CLSPN: variants seen among roughly 807,000 people sequenced by gnomAD.
CLSPN encodes claspin homolog.
CLSPN carries 85 observed loss-of-function variants against 156.3 expected under a neutral mutation model. That is an observed-to-expected ratio of 0.54 (90% CI 0.46 to 0.65). CLSPN has a LOEUF of 0.65. Ranked by LOEUF, CLSPN falls within the 30% of genes least tolerant of loss-of-function variation. The pLI is 0.00. For synonymous variants in CLSPN, 534 were observed against 542.4 expected (o/e 0.98, Z 0.22); for missense variants, 1,407 against 1,554.9 (o/e 0.90, Z 1.60).
chr1:35,737,483 T>C (rs1199058906), intron 22 of CLSPN, 62 bp from the exon 23 acceptor site: 2 of 1,285,388 alleles, frequency 1.6e-6, no homozygotes, highest in Non-Finnish European at 2.2e-6. Flanking sequence ...CTTTTAAATC[T>C]AAACAAGCTA....
In CLSPN at chr1:35,732,776, C is replaced by T; in HGVS notation, c.*3720G>A. Reference sequence around the variant, plus strand: ...TAAAACATAACTGATGCTGCTGGCTCAGTGCTTTGGGCAAAGGGCATATGG... The same window carrying T: ...TAAAACATAACTGATGCTGCTGGCTTAGTGCTTTGGGCAAAGGGCATATGG... On this transcript the variant is annotated 3_prime_UTR_variant, in exon 25 of 25. Transcript: ENST00000318121. The T allele has an allele frequency of 1.0e-6, 1 of 985,346 alleles. No homozygotes were observed. Among genetic ancestry groups the T allele is most frequent in the Non-Finnish European group, 1.2e-6 (1 of 829,930 alleles). 61.0% of individuals were successfully genotyped at this position (985,346 alleles called of 1,614,324 possible). A position where few individuals can be genotyped will look rare whatever the true frequency, so the allele number is the denominator to read the frequency against.
chr1:35,725,536 C>T (rs533100149), intron 24 of CLSPN, among the ~76,000 whole-genome samples: 14 of 152,048 alleles, frequency 9.2e-5, no homozygotes, highest in African/African-American at 2.9e-4. Context: ...CCCCACCCTC[C>T]GGCCGCCCAC....
chr1:35,764,506 G>A lies in CLSPN; in HGVS notation c.342C>T (p.Tyr114=). 6 of 1,613,916 alleles carry A rather than the reference G, an allele frequency of 3.7e-6. No homozygotes were observed. The highest frequency in any genetic ancestry group is 5.1e-6 in the Non-Finnish European group (6 of 1,179,934). Reference sequence around the variant, plus strand: ...TTTCCTGATACAAAGACTTTTCCATGTAACTTTCATCACTGTCTGCCACAG... The same window carrying A: ...TTTCCTGATACAAAGACTTTTCCATATAACTTTCATCACTGTCTGCCACAG... ...YKTVADSDES[Y]MEKSLYQENL... is the part of the protein sequence containing the mutation. The change falls in exon 3 of 25, where the codon TAC becomes TAT. Residue 114 remains tyrosine, a synonymous_variant. Coordinates refer to ENST00000318121, the MANE Select transcript of CLSPN (RefSeq NM_022111.4).
chr1:35,735,008 T>C lies in CLSPN; in HGVS notation c.*1488A>G. 1 of 985,400 alleles carries C rather than the reference T, an allele frequency of 1.0e-6. No homozygotes were observed. Among genetic ancestry groups the C allele is most frequent in the African/African-American group, 1.7e-5 (1 of 57,374 alleles). 61.0% of individuals were successfully genotyped at this position (985,400 alleles called of 1,614,324 possible). ...TTTTTATTAAATTCCATGGTGGCCT[T>C]CTCTCAAAATTAGTAATGAAATGCT... On this transcript the variant is annotated 3_prime_UTR_variant, in exon 25 of 25. Transcript: ENST00000318121.
At chr1:35,759,104 A>G (rs188553080) in intron 8 of CLSPN, among the ~76,000 whole-genome samples, 7 of 152,324 alleles carry the variant, frequency 4.6e-5, no homozygotes, top group African/African-American at 1.7e-4. Flanking sequence ...AGCTCTATCT[A>G]AGAGTCAGGA....
chr1:35,745,301 C>T, intron 16 of CLSPN, 150 bp downstream of exon 16: 2 of 599,250 alleles, frequency 3.3e-6, no homozygotes, highest in Non-Finnish European at 5.9e-6. Flanking sequence ...TGTTCTCCAC[C>T]AAAGCATTAT....
chr1:35,769,853 A>G lies in CLSPN; in HGVS notation c.18T>C (p.Gly6=). 6.2e-7 allele frequency: 1 copy of G among 1,606,316 alleles called. No homozygotes were observed. Among genetic ancestry groups the G allele is most frequent in the South Asian group, 1.1e-5 (1 of 90,082 alleles). ...GGCGTGTGCATAAACTCACCTCAGA[A>G]CCCACCTCGCCTGTCATGACTTCTG... is the stretch of plus-strand genomic sequence containing the variant. The part of the protein sequence containing the change: MTGEV[G]SEVHLEINDP... The change falls in exon 1 of 25, where the codon GGT becomes GGC. Residue 6 remains glycine, a synonymous_variant. Transcript: ENST00000318121.
At chr1:35,736,702 TAAC>T in intron 24 of CLSPN, 96 bp from the exon 25 acceptor site, 1 of 1,476,804 alleles carries the variant, frequency 6.8e-7, no homozygotes, top group Non-Finnish European at 9.0e-7. Flanking sequence ...TGTGGATGAT[TAAC>T]AACAGAAAAA....
At chr1:35,723,113 A>G (rs1641112085) in intron 24 of CLSPN, among the ~76,000 whole-genome samples, 2 of 152,244 alleles carry the variant, frequency 1.3e-5, no homozygotes, top group Admixed American at 6.5e-5. Flanking sequence ...AAAAGCAGCT[A>G]TAGAGATGCC....
At chr1:35,723,879 T>C (rs1204626367) in intron 24 of CLSPN, among the ~76,000 whole-genome samples, 1 of 152,140 alleles carries the variant, frequency 6.6e-6, no homozygotes, top group East Asian at 1.9e-4. Flanking sequence ...TAATCCCAGC[T>C]ACTTGGGAGG....
rs1356829918 is a variant in CLSPN at position 35,734,299 on chromosome 1, A to G, written c.*2197T>C. Reference sequence around the variant, plus strand: ...ATTGAAAAACTACATACATATTAAAACATCTTTATACACATTTTCCCCATT... The same window carrying G: ...ATTGAAAAACTACATACATATTAAAGCATCTTTATACACATTTTCCCCATT... On this transcript the variant is annotated 3_prime_UTR_variant, in exon 25 of 25. Coordinates refer to ENST00000318121, the MANE Select transcript of CLSPN (RefSeq NM_022111.4). 20 of 984,880 alleles carry G rather than the reference A, an allele frequency of 2.0e-5. No individual in the cohort carries two copies. Among genetic ancestry groups the G allele is most frequent in the Non-Finnish European group, 2.3e-5 (19 of 829,534 alleles). The allele number at this position is 984,880 out of a possible 1,614,324, so 61.0% of individuals were successfully genotyped here. A position where few individuals can be genotyped will look rare whatever the true frequency, so the allele number is the denominator to read the frequency against.
Position 35,735,087 on chromosome 1 carries a change from A to G in CLSPN, c.*1409T>C. ...GTATGTAAGCCAGAAGAATGCAATAAATAAGGGTTATGTTTCTTCTTGTCA... is the reference window on the plus strand; with the variant it reads ...GTATGTAAGCCAGAAGAATGCAATAGATAAGGGTTATGTTTCTTCTTGTCA... On this transcript the variant is annotated 3_prime_UTR_variant, in exon 25 of 25. Coordinates refer to ENST00000318121, the MANE Select transcript of CLSPN (RefSeq NM_022111.4). The G allele has an allele frequency of 2.0e-6, 2 of 985,448 alleles. No homozygotes were observed. Among genetic ancestry groups the G allele is most frequent in the Non-Finnish European group, 2.4e-6 (2 of 829,938 alleles). 61.0% of individuals were successfully genotyped at this position (985,448 alleles called of 1,614,324 possible).
intron 1 of CLSPN, among the ~76,000 whole-genome samples, chr1:35,769,574 A>G (rs1314629926): frequency 6.6e-6 from 1 of 152,192 alleles, no homozygotes; most frequent in Non-Finnish European, 1.5e-5. Flanking sequence ...AACCGGCTGA[A>G]GAGGGGCTGG....
chr1:35,726,152 CAAAAAA>C (rs3041363), intron 24 of CLSPN, among the ~76,000 whole-genome samples: 11 of 48,190 alleles, frequency 2.3e-4, no homozygotes, highest in African/African-American at 5.6e-4. Flanking sequence ...CAGATGCAGA[CAAAAAA>C]AAAAAAAAAA....
intron 10 of CLSPN, among the ~76,000 whole-genome samples, chr1:35,750,105 T>C (rs115032570): frequency 0.014 from 2,103 of 152,278 alleles, 38 homozygotes; most frequent in African/African-American, 0.048. Context: ...CAGTCTAAGA[T>C]TGCAGGCTGA....
intron 18 of CLSPN, among the ~76,000 whole-genome samples, chr1:35,742,343 G>A (rs984620755): frequency 2.0e-5 from 3 of 152,118 alleles, no homozygotes; most frequent in Non-Finnish European, 4.4e-5. Flanking sequence ...TGTAAAATGA[G>A]GAGAATAATA....
In CLSPN at chr1:35,736,446, A is replaced by G. The variant is rs781491936; in HGVS notation, c.*50T>C. The G allele has an allele frequency of 2.0e-6, 3 of 1,520,108 alleles. No individual in the cohort carries two copies. The highest frequency in any genetic ancestry group is 2.6e-6 in the Non-Finnish European group (3 of 1,134,642). The allele number at this position is 1,520,108 out of a possible 1,614,324, so 94.2% of individuals were successfully genotyped here. On this transcript the variant is annotated 3_prime_UTR_variant, in exon 25 of 25. Coordinates refer to ENST00000318121, the MANE Select transcript of CLSPN (RefSeq NM_022111.4). ...AGTGTCAATTCCAACTTTCAGTGCT[A>G]GAAACTTCTCAAAGCAGTCTCAATG...
At chr1:35,726,720 A>G (rs1246771846) in intron 24 of CLSPN, among the ~76,000 whole-genome samples, 1 of 152,190 alleles carries the variant, frequency 6.6e-6, no homozygotes, top group African/African-American at 2.4e-5. Context: ...CAGAAAACAA[A>G]TCTATTGTGG....
chr1:35,734,357 T>C lies in CLSPN; in HGVS notation c.*2139A>G. The C allele has an allele frequency of 6.1e-6, 6 of 985,370 alleles. No homozygotes were observed. Among genetic ancestry groups the C allele is most frequent in the Non-Finnish European group, 7.2e-6 (6 of 829,896 alleles). The allele number at this position is 985,370 out of a possible 1,614,324, so 61.0% of individuals were successfully genotyped here. On this transcript the variant is annotated 3_prime_UTR_variant, in exon 25 of 25. Coordinates refer to ENST00000318121, the MANE Select transcript of CLSPN (RefSeq NM_022111.4). Reference sequence around the variant, plus strand: ...TACAAGTATACAAACATAAGTATTGTCAAAGTCAACATCTTGAGTATTAGA... The same window carrying C: ...TACAAGTATACAAACATAAGTATTGCCAAAGTCAACATCTTGAGTATTAGA...
Sources: gnomAD v4.1 joint callset for allele counts (sites outside exome capture counted in the v4.1 genomes callset) on GRCh38, gnomAD v4.1.1 for gene constraint, MANE v1.5 for transcripts, NCBI Gene and HGNC (gene_info 2026-07-23, HGNC 2026-07-21) for gene names.